Variants in ARHGAP18 observed in about 807,000 individuals in gnomAD.
ARHGAP18 encodes rho GTPase-activating protein 18.
In ARHGAP18, 67 loss-of-function variants were observed where a neutral mutation model predicts 86.2. The ratio of observed to expected loss-of-function variants is 0.78; its 90% CI spans 0.64 to 0.95. The LOEUF (loss-of-function observed/expected upper bound fraction) is 0.95. Ranked by LOEUF, ARHGAP18 falls within the 40% of genes least tolerant of loss-of-function variation. ARHGAP18 has a pLI of 0.00. For synonymous variants in ARHGAP18, 283 were observed against 280.4 expected, an observed-to-expected ratio of 1.01 and a Z score of -0.09; for missense variants, 691 against 780.4, an observed-to-expected ratio of 0.89 and a Z score of 1.37.
Position 129,577,035 on chromosome 6 carries a change from A to T in ARHGAP18, c.*1478T>A, listed in dbSNP as rs1023815506. ...AAAAGTCCATTTCTCAATATTAATA[A>T]AAAAAAAGCAAAAATACTCATAAAC... is the stretch of plus-strand genomic sequence containing the variant. On this transcript the variant is annotated 3_prime_UTR_variant, in exon 15 of 15. Transcript: ENST00000368149. The T allele has an allele frequency of 2.5e-5, 2 of 79,132 alleles. No individual in the cohort carries two copies. Among genetic ancestry groups the T allele is most frequent in the East Asian group, 3.4e-4 (1 of 2,918 alleles). The allele number at this position is 79,132 out of a possible 1,614,324, so 4.9% of individuals were successfully genotyped here. A position where few individuals can be genotyped will look rare whatever the true frequency, so the allele number is the denominator to read the frequency against.
Position 129,616,309 on chromosome 6 carries a change from A to T in ARHGAP18, c.953-6T>A. The T allele has an allele frequency of 2.5e-6, 4 of 1,604,672 alleles. No individual in the cohort carries two copies. The highest frequency in any genetic ancestry group is 2.2e-5 in the East Asian group (1 of 44,736). On this transcript the variant is annotated splice_polypyrimidine_tract_variant and splice_region_variant and intron_variant, in intron 6 of 14. Transcript: ENST00000368149. ...AACGCAAAAAAGACCAGAATCTGCA[A>T]GAAAAAAAATGAAATTTCCTCACTT... is the stretch of plus-strand genomic sequence containing the variant.
At chr6:129,697,324 C>G (rs1221888052) in intron 1 of ARHGAP18, among the ~76,000 whole-genome samples, 1 of 152,148 alleles carries the variant, frequency 6.6e-6, no homozygotes, top group Non-Finnish European at 1.5e-5. Flanking sequence ...GTATTTTTAG[C>G]CCCTAAGTTT....
intron 1 of ARHGAP18, among the ~76,000 whole-genome samples, chr6:129,680,585 C>T (rs886645117): frequency 1.2e-4 from 18 of 152,120 alleles, no homozygotes; most frequent in African/African-American, 4.1e-4. Flanking sequence ...AGAAAGAGCC[C>T]AAGAAAGCTC....
At chr6:129,708,445 C>T (rs1453611875) in intron 1 of ARHGAP18, among the ~76,000 whole-genome samples, 1 of 152,174 alleles carries the variant, frequency 6.6e-6, no homozygotes, top group Non-Finnish European at 1.5e-5. Context: ...CAAGTATGGG[C>T]CACCCACACT....
intron 1 of ARHGAP18, among the ~76,000 whole-genome samples, chr6:129,656,434 A>T (rs1773838167): frequency 1.3e-5 from 2 of 152,188 alleles, no homozygotes; most frequent in South Asian, 4.1e-4. Flanking sequence ...CGAGGTCAGG[A>T]GTTCAAGACC....
intron 5 of ARHGAP18, among the ~76,000 whole-genome samples, chr6:129,619,883 T>A (rs1052398911): frequency 9.2e-5 from 14 of 151,774 alleles, no homozygotes; most frequent in Admixed American, 8.5e-4. Context: ...GTCACCTATC[T>A]ACTTACTAGT....
At chr6:129,651,990 C>A (rs1222438703) in intron 1 of ARHGAP18, among the ~76,000 whole-genome samples, 2 of 152,194 alleles carry the variant, frequency 1.3e-5, no homozygotes, top group Admixed American at 1.3e-4. Flanking sequence ...AGGTGCCATC[C>A]GTGAGAAAGC....
At chr6:129,621,212 G>A (rs1789222145) in intron 5 of ARHGAP18, among the ~76,000 whole-genome samples, 1 of 152,146 alleles carries the variant, frequency 6.6e-6, no homozygotes, top group South Asian at 2.1e-4. Flanking sequence ...GTATGAAGGA[G>A]TTGTGAGATG....
Position 129,629,530 on chromosome 6 carries a change from C to T in ARHGAP18, c.617-8G>A, listed in dbSNP as rs765266143. The T allele has an allele frequency of 1.3e-6, 2 of 1,599,562 alleles. No homozygotes were observed. The highest frequency in any genetic ancestry group is 1.4e-5 in the African/African-American group (1 of 73,944). Reference sequence around the variant, plus strand: ...CAAGGTTAGATGCCTCGTCTAGGGGCCCGGGGGGAAAGAACCCAATTCATA... The same window carrying T: ...CAAGGTTAGATGCCTCGTCTAGGGGTCCGGGGGGAAAGAACCCAATTCATA... On this transcript the variant is annotated splice_region_variant and splice_polypyrimidine_tract_variant and intron_variant, in intron 4 of 14. Transcript: ENST00000368149.
chr6:129,599,381 A>G (rs748679047), intron 11 of ARHGAP18, 25 bp from the exon 12 acceptor site: 1 of 1,448,998 alleles, frequency 6.9e-7, no homozygotes, highest in South Asian at 1.6e-5. Flanking sequence ...AATTAAGCTT[A>G]GAGAGGAAAA....
chr6:129,680,843 T>C (rs1413947978), intron 1 of ARHGAP18, among the ~76,000 whole-genome samples: 3 of 152,254 alleles, frequency 2.0e-5, no homozygotes, highest in Non-Finnish European at 4.4e-5. Context: ...AGAGAGTATG[T>C]ATGGACCTCA....
chr6:129,580,178 G>T, intron 13 of ARHGAP18, 47 bp from the exon 14 acceptor site: 1 of 1,531,576 alleles, frequency 6.5e-7, no homozygotes, highest in Non-Finnish European at 9.0e-7. Context: ...CAAACAGCTT[G>T]CAAGTAAATC....
In ARHGAP18 at chr6:129,625,517, T is replaced by C. The variant is rs1194792841; in HGVS notation, c.786+3836A>G. ...TATAATATATATTTTATATATCATA[T>C]ATATTATAACTATACATTATATATT... On this transcript the variant is annotated intron_variant, in intron 5 of 14. Coordinates refer to ENST00000368149, the MANE Select transcript of ARHGAP18 (RefSeq NM_033515.3). Among the ~76,000 whole-genome samples, 4 of 64,474 alleles carry C rather than the reference T, an allele frequency of 6.2e-5. 1 individual carries two copies. The Admixed American group carries it at 1.2e-3, about 19-fold the overall frequency. The allele number at this position is 64,474 out of a possible 152,430, so 42.3% of individuals were successfully genotyped here.
intron 12 of ARHGAP18, among the ~76,000 whole-genome samples, chr6:129,584,665 C>T (rs1788358706): frequency 6.6e-6 from 1 of 151,992 alleles, no homozygotes; most frequent in Admixed American, 6.6e-5. Flanking sequence ...AATCTTTTGC[C>T]CATGGATGTG....
At chr6:129,665,032 C>T (rs1774013262) in intron 1 of ARHGAP18, among the ~76,000 whole-genome samples, 1 of 152,164 alleles carries the variant, frequency 6.6e-6, no homozygotes, top group African/African-American at 2.4e-5. Context: ...ATGTGAGAAG[C>T]AGAACTCTGA....
intron 12 of ARHGAP18, among the ~76,000 whole-genome samples, chr6:129,587,827 C>CA (rs1788428650): frequency 6.6e-6 from 1 of 152,128 alleles, no homozygotes; most frequent in South Asian, 2.1e-4. Context: ...CCCAGCCTTC[C>CA]AAAATCTCAT....
rs1773127083 is a variant in ARHGAP18 at position 129,629,228 on chromosome 6, T to C, written c.786+125A>G. The C allele has an allele frequency of 2.0e-5, 17 of 852,226 alleles. No homozygotes were observed. In the South Asian group the frequency reaches 4.4e-4, roughly 22 times the overall value. The allele number at this position is 852,226 out of a possible 1,614,324, so 52.8% of individuals were successfully genotyped here. ...GTGAGGCCTCATCTTTCTCTCTGTCTGTCTGTCTCTCTCTCTCTCTATATA... is the reference window on the plus strand; with the variant it reads ...GTGAGGCCTCATCTTTCTCTCTGTCCGTCTGTCTCTCTCTCTCTCTATATA... On this transcript the variant is annotated intron_variant, in intron 5 of 14. Transcript: ENST00000368149.
rs1408177012 is a variant in ARHGAP18, at chr6:129,577,711, T to A, written c.*802A>T. On this transcript the variant is annotated 3_prime_UTR_variant, in exon 15 of 15. Transcript: ENST00000368149. ...CCAGCTATGACTTTTAAAATTCCATTTAGAAGAGTACAGTAGACAGAAAGT... is the reference window on the plus strand; with the variant it reads ...CCAGCTATGACTTTTAAAATTCCATATAGAAGAGTACAGTAGACAGAAAGT... The A allele has an allele frequency of 1.3e-5, 2 of 152,186 alleles. No individual in the cohort carries two copies. Among genetic ancestry groups the A allele is most frequent in the Non-Finnish European group, 2.9e-5 (2 of 68,026 alleles). The allele number at this position is 152,186 out of a possible 1,614,324, so 9.4% of individuals were successfully genotyped here.
At chr6:129,625,762 A>T (rs1421299386) in intron 5 of ARHGAP18, among the ~76,000 whole-genome samples, 9 of 57,302 alleles carry the variant, frequency 1.6e-4, no homozygotes, top group African/African-American at 5.6e-4. Flanking sequence ...ATATATTTAT[A>T]TATTATATAT....
Sources: allele counts gnomAD v4.1 joint callset (sites outside exome capture counted in the v4.1 genomes callset), GRCh38; gene constraint gnomAD v4.1.1; transcripts MANE v1.5; gene names NCBI Gene and HGNC (gene_info 2026-07-23, HGNC 2026-07-21).